NSD3: variants seen among roughly 807,000 people sequenced by gnomAD.
NSD3 encodes the protein histone-lysine N-methyltransferase NSD3.
In NSD3, 24 loss-of-function variants were observed where a neutral mutation model predicts 160.8. The observed-to-expected ratio is 0.15, with a 90% CI of 0.11 to 0.21. The LOEUF is 0.21. Among genes scored for constraint, NSD3 ranks in the 10% least tolerant of loss-of-function variants. The probability of loss-of-function intolerance (pLI) is 1.00; values close to 1 mark genes in which losing one functional copy is unlikely to be tolerated. For synonymous variants in NSD3, 520 were observed against 600.0 expected (o/e 0.87, Z 1.95); for missense variants, 1,157 against 1,735.9 (o/e 0.67, Z 5.93).
intron 22 of NSD3, among the ~76,000 whole-genome samples, chr8:38,277,704 A>T (rs1808633056): frequency 1.3e-5 from 2 of 152,250 alleles, no homozygotes; most frequent in East Asian, 1.9e-4. Context: ...TGTATAATTC[A>T]GTGGCCTTTA....
intron 1 of NSD3, among the ~76,000 whole-genome samples, chr8:38,375,082 T>C (rs1190297588): frequency 6.6e-6 from 1 of 152,198 alleles, no homozygotes; most frequent in African/African-American, 2.4e-5. Flanking sequence ...AGCCAAGTTA[T>C]TCTGTGGGAA....
chr8:38,317,399 G>A lies in NSD3; in HGVS notation c.1856-1357C>T, dbSNP rs1192200459. The A allele has an allele frequency of 3.8e-6, 4 of 1,054,608 alleles. No individual in the cohort carries two copies. Among genetic ancestry groups the A allele is most frequent in the Non-Finnish European group, 3.4e-6 (3 of 872,654 alleles). The allele number at this position is 1,054,608 out of a possible 1,614,324, so 65.3% of individuals were successfully genotyped here. On this transcript the variant is annotated intron_variant, in intron 9 of 23. Coordinates refer to ENST00000317025, the MANE Select transcript of NSD3 (RefSeq NM_023034.2). This position sits in a 1 kb window ranked among gnomAD's most constrained non-coding sequence, Gnocchi z 5.3. ...ATTTCCTTGGCCTAAAAGATCACTG[G>A]ATTAACAAGGAGTTTTAACAGAGGA...
Position 38,338,559 on chromosome 8 carries a change from G to A in NSD3, c.724C>T (p.Pro242Ser). The change falls in exon 3 of 24, where the codon CCA becomes TCA. Residue 242 changes from proline to serine, a missense_variant. Around this residue, in one of 10 missense-constraint regions of NSD3, gnomAD observed 99 missense variants for 151.8 expected, o/e 0.65. Coordinates refer to ENST00000317025, the MANE Select transcript of NSD3 (RefSeq NM_023034.2). The stretch of plus-strand genomic sequence containing the variant: ...ACTGGGGCTTCCTCTTTTAGTACTG[G>A]TTCTTCCCTTGGTTTTTCTGATACA... ...DTVSEKPREE[P>S]VLKEEAPVQP... is the part of the protein sequence containing the mutation. 6.2e-7 allele frequency: 1 copy of A among 1,613,802 alleles called. No homozygotes were observed. The highest frequency in any genetic ancestry group is 1.7e-5 in the Admixed American group (1 of 60,008).
intron 2 of NSD3, among the ~76,000 whole-genome samples, chr8:38,345,745 GAAA>G (rs773179138): frequency 7.3e-6 from 1 of 136,702 alleles, no homozygotes. Flanking sequence ...GTCTCTACTT[GAAA>G]AAAAAAAAAA....
At chr8:38,313,999 A>AACAAG (rs908408041) in intron 12 of NSD3, among the ~76,000 whole-genome samples, 2 of 152,074 alleles carry the variant, frequency 1.3e-5, no homozygotes. Context: ...AACAAAGCAA[A>AACAAG]ACAAAAAACA....
chr8:38,353,968 C>CGTTTA (rs1344103954), intron 1 of NSD3, among the ~76,000 whole-genome samples: 1 of 152,174 alleles, frequency 6.6e-6, no homozygotes, highest in Non-Finnish European at 1.5e-5. Context: ...GACAACTACA[C>CGTTTA]TAAACGCTAA....
chr8:38,347,425 C>T, intron 2 of NSD3, 72 bp downstream of exon 2: 2 of 1,493,486 alleles, frequency 1.3e-6, no homozygotes, highest in East Asian at 4.5e-5. Flanking sequence ...GAGATAAAAA[C>T]CAAAAAGATC....
chr8:38,367,637 G>A (rs560755936), intron 1 of NSD3, among the ~76,000 whole-genome samples: 10 of 152,152 alleles, frequency 6.6e-5, no homozygotes, highest in African/African-American at 2.2e-4. Flanking sequence ...ACTTGAACCC[G>A]GGAGGTGGAG....
chr8:38,315,812 C>T lies in NSD3; in HGVS notation c.1986+100G>A. 14 of 1,485,950 alleles carry T rather than the reference C, an allele frequency of 9.4e-6. No individual in the cohort carries two copies. The South Asian group carries it at 1.2e-4, about 13-fold the overall frequency. 92.0% of individuals were successfully genotyped at this position (1,485,950 alleles called of 1,614,324 possible). ...TCAAAATAAACAAAGTGATTTTTTT[C>T]TATGAGTATTTTTAAAATGTCCTGA... On this transcript the variant is annotated intron_variant, in intron 10 of 23. Transcript: ENST00000317025.
chr8:38,337,142 C>CA (rs1004766263), intron 4 of NSD3, among the ~76,000 whole-genome samples, 163 bp downstream of exon 4: 68 of 73,264 alleles, frequency 9.3e-4, no homozygotes, highest in Admixed American at 1.9e-3. Context: ...AACTCCGTCT[C>CA]AAAAAAAAAA....
intron 8 of NSD3, chr8:38,320,634 T>A (rs544475667): frequency 6.6e-6 from 1 of 151,924 alleles, no homozygotes; most frequent in East Asian, 1.9e-4. Flanking sequence ...TCTATGAATA[T>A]CTGCTTCTTA....
intron 1 of NSD3, among the ~76,000 whole-genome samples, chr8:38,381,267 C>T (rs896470288): frequency 2.0e-5 from 3 of 152,024 alleles, no homozygotes; most frequent in Admixed American, 2.0e-4. Flanking sequence ...TGCCTCATCC[C>T]CTTTCCTAAT....
At chr8:38,301,479 C>T (rs928281765) in intron 14 of NSD3, among the ~76,000 whole-genome samples, 4 of 152,176 alleles carry the variant, frequency 2.6e-5, no homozygotes, top group Non-Finnish European at 5.9e-5. Context: ...ACTTGGGAGG[C>T]TGAGGCAGGA....
At position 38,318,868 on chromosome 8, in the gene NSD3, C is replaced by A. The variant is rs779517175; in HGVS notation, c.1855+27G>T. The A allele has an allele frequency of 6.9e-6, 11 of 1,598,668 alleles. No individual in the cohort carries two copies. In the East Asian group the frequency reaches 2.0e-4, roughly 29 times the overall value. On this transcript the variant is annotated intron_variant, in intron 9 of 23. Transcript: ENST00000317025. The surrounding 1 kb of genome is among the most constrained non-coding windows in gnomAD (Gnocchi z 5.3). ...AAAATTGGTTTTAATCAAGGAAATGCAAAGCAACATTATAATATTAACTCA... is the reference window on the plus strand; with the variant it reads ...AAAATTGGTTTTAATCAAGGAAATGAAAAGCAACATTATAATATTAACTCA...
chr8:38,356,001 C>A (rs1394723356), intron 1 of NSD3, among the ~76,000 whole-genome samples: 1 of 152,192 alleles, frequency 6.6e-6, no homozygotes, highest in Non-Finnish European at 1.5e-5. Context: ...TTACTTCCCA[C>A]AATCCCTAAA....
chr8:38,341,291 G>C (rs1010485467), intron 2 of NSD3, among the ~76,000 whole-genome samples: 1 of 152,184 alleles, frequency 6.6e-6, no homozygotes, highest in Non-Finnish European at 1.5e-5. Context: ...TGTAATCCCA[G>C]CACTTTGGGA....
intron 4 of NSD3, 26 bp from the exon 5 acceptor site, chr8:38,331,611 A>AT: frequency 6.2e-7 from 1 of 1,608,876 alleles, no homozygotes. Flanking sequence ...CTTATTAACC[A>AT]TTTCAGAACA....
chr8:38,293,855 G>C (rs576930310), intron 16 of NSD3, among the ~76,000 whole-genome samples: 9 of 146,464 alleles, frequency 6.1e-5, no homozygotes, highest in South Asian at 4.4e-4. Context: ...CCTGGGAGGT[G>C]GGGGTTACAG....
rs553887974 is a variant in NSD3 at position 38,321,552 on chromosome 8, G to A, written c.1709-380C>T. ...TAAAAATAAACTTTATTATCCACCT[G>A]ATGTTAGAAATTATTGGTTCAAAAT... On this transcript the variant is annotated intron_variant, in intron 7 of 23. Transcript: ENST00000317025. This position sits in a 1 kb window ranked among gnomAD's most constrained non-coding sequence, Gnocchi z 4.7. Among the ~76,000 whole-genome samples, 1 of 152,328 alleles carries A rather than the reference G, an allele frequency of 6.6e-6. No individual in the cohort carries two copies. The highest frequency in any genetic ancestry group is 2.1e-4 in the South Asian group (1 of 4,828).
Sources: allele counts gnomAD v4.1 joint callset (sites outside exome capture counted in the v4.1 genomes callset), GRCh38; gene constraint gnomAD v4.1.1; regional missense constraint gnomAD v4.1.1; non-coding constraint Gnocchi (gnomAD v3.1); transcripts MANE v1.5; gene names NCBI Gene and HGNC (gene_info 2026-07-23, HGNC 2026-07-21).